ERGIC1: variants seen among roughly 807,000 people sequenced by gnomAD.
ERGIC1 encodes the protein endoplasmic reticulum-Golgi intermediate compartment protein 1.
Under a neutral mutation model 38.3 loss-of-function variants are expected in ERGIC1, and 19 were observed. The observed-to-expected ratio is 0.50, with a 90% CI of 0.35 to 0.73. The LOEUF (loss-of-function observed/expected upper bound fraction) is 0.73. Ranked by LOEUF, ERGIC1 falls within the 30% of genes least tolerant of loss-of-function variation. ERGIC1 has a pLI of 0.01. For synonymous variants in ERGIC1, 124 were observed against 157.6 expected (o/e 0.79, Z 1.60); for missense variants, 294 against 389.2 (o/e 0.76, Z 2.06).
chr5:172,921,100 C>T (rs1272733257), intron 5 of ERGIC1, among the ~76,000 whole-genome samples: 3 of 152,226 alleles, frequency 2.0e-5, no homozygotes, highest in African/African-American at 7.2e-5. Flanking sequence ...CAGCTGCGGG[C>T]TGCTTTGTAT....
chr5:172,876,361 G>C (rs1257618281), intron 1 of ERGIC1, among the ~76,000 whole-genome samples: 2 of 152,100 alleles, frequency 1.3e-5, no homozygotes, highest in Non-Finnish European at 2.9e-5. Flanking sequence ...CAACTATTTG[G>C]CTAGCTAGAA....
chr5:172,864,980 T>A (rs964642503), intron 1 of ERGIC1, among the ~76,000 whole-genome samples: 4 of 151,912 alleles, frequency 2.6e-5, no homozygotes, highest in African/African-American at 7.2e-5. Context: ...TGCAAAGCCT[T>A]GCTCAACGCT....
chr5:172,858,130 C>T (rs944339952), intron 1 of ERGIC1, among the ~76,000 whole-genome samples: 1 of 152,144 alleles, frequency 6.6e-6, no homozygotes, highest in African/African-American at 2.4e-5. Context: ...TGGTATTTGA[C>T]GGCTGTCTGA....
At chr5:172,905,521 T>C in intron 3 of ERGIC1, 1 of 448,224 alleles carries the variant, frequency 2.2e-6, no homozygotes, top group Non-Finnish European at 4.5e-6. Flanking sequence ...GGAAGAGAAC[T>C]GTGGAACCCA....
At chr5:172,899,846 G>A (rs923150203) in intron 3 of ERGIC1, among the ~76,000 whole-genome samples, 2 of 152,212 alleles carry the variant, frequency 1.3e-5, no homozygotes, top group African/African-American at 2.4e-5. Context: ...ATTTTATGAG[G>A]ATCAAACAAG....
chr5:172,882,858 C>T (rs1305684057), intron 1 of ERGIC1, among the ~76,000 whole-genome samples: 1 of 152,098 alleles, frequency 6.6e-6, no homozygotes, highest in Admixed American at 6.6e-5. Context: ...AAATTCAGCA[C>T]CTCAAATTCA....
chr5:172,935,554 A>G (rs1763871862), intron 9 of ERGIC1: 1 of 472,180 alleles, frequency 2.1e-6, no homozygotes, highest in Non-Finnish European at 3.8e-6. Context: ...CCTGAAATCC[A>G]TTTAATTCCT....
At chr5:172,842,678 CTT>C (rs1761188845) in intron 1 of ERGIC1, among the ~76,000 whole-genome samples, 2 of 152,156 alleles carry the variant, frequency 1.3e-5, no homozygotes, top group African/African-American at 4.8e-5. Flanking sequence ...GCCAACATGT[CTT>C]TTGTTTTTCT....
chr5:172,835,920 A>C (rs1761023304), intron 1 of ERGIC1, among the ~76,000 whole-genome samples: 1 of 152,238 alleles, frequency 6.6e-6, no homozygotes. Context: ...AGTCTGGGCC[A>C]TAAGAGCTGT....
At chr5:172,863,484 G>T (rs1171804731) in intron 1 of ERGIC1, among the ~76,000 whole-genome samples, 1 of 152,154 alleles carries the variant, frequency 6.6e-6, no homozygotes, top group Admixed American at 6.6e-5. Flanking sequence ...TGACGGCCAG[G>T]AGACAAAGGA....
rs193208350 is a variant in ERGIC1, at chr5:172,932,562, C to T, written c.642+26C>T. The T allele has an allele frequency of 9.9e-6, 16 of 1,608,096 alleles. No homozygotes were observed. In the African/African-American group the frequency reaches 2.0e-4, roughly 20 times the overall value. ...GTGCGCGGGCGGTGGCTGGGCCGAG[C>T]TGTGTGCGGCGGCGCCCTCTGCTGA... On this transcript the variant is annotated intron_variant, in intron 8 of 9. Coordinates refer to ENST00000393784, the MANE Select transcript of ERGIC1 (RefSeq NM_001031711.3).
chr5:172,863,496 C>G (rs1761772202), intron 1 of ERGIC1, among the ~76,000 whole-genome samples: 1 of 152,112 alleles, frequency 6.6e-6, no homozygotes, highest in Non-Finnish European at 1.5e-5. Flanking sequence ...GACAAAGGAC[C>G]CTTGGGCGCG....
chr5:172,911,842 AAT>A lies in ERGIC1; in HGVS notation c.250+2084_250+2085del, dbSNP rs201542203. Among the ~76,000 whole-genome samples the A allele has an allele frequency of 9.2e-3, 1,403 of 152,238 alleles. 19 individuals carry two copies. The highest frequency in any genetic ancestry group is 0.032 in the African/African-American group (1,322 of 41,528). ...GACATACATTCAAAAATACAAAAAT[AAT>A]ATGTTTTTTAAAAAGCAAAAGTACC... On this transcript the variant is annotated intron_variant, in intron 4 of 9. Transcript: ENST00000393784.
At chr5:172,915,728 C>G (rs1332504381) in intron 5 of ERGIC1, 1 of 441,292 alleles carries the variant, frequency 2.3e-6, no homozygotes, top group Non-Finnish European at 4.8e-6. Flanking sequence ...AAGTGTCTTG[C>G]CCGAGGTCAC....
At position 172,876,580 on chromosome 5, in the gene ERGIC1, A is replaced by G. The variant is rs1211327517; in HGVS notation, c.21-12119A>G. ...TGTTATTAAAATGTTTTATTCAGACAGCTTTATTGAGGTATAATCGACTTA... is the reference window on the plus strand; with the variant it reads ...TGTTATTAAAATGTTTTATTCAGACGGCTTTATTGAGGTATAATCGACTTA... On this transcript the variant is annotated intron_variant, in intron 1 of 9. Coordinates refer to ENST00000393784, the MANE Select transcript of ERGIC1 (RefSeq NM_001031711.3). 2.0e-5 allele frequency among the ~76,000 whole-genome samples: 3 copies of G among 152,214 alleles called. No individual in the cohort carries two copies. In the East Asian group the frequency reaches 5.8e-4, roughly 29 times the overall value.
intron 3 of ERGIC1, among the ~76,000 whole-genome samples, chr5:172,902,978 C>A (rs1337502019): frequency 3.3e-5 from 5 of 151,648 alleles, no homozygotes; most frequent in Admixed American, 3.3e-4. Context: ...ACTCCCCCCA[C>A]CCACACCTCC....
chr5:172,921,686 T>G (rs530747596), intron 5 of ERGIC1: 2 of 152,374 alleles, frequency 1.3e-5, no homozygotes, highest in Admixed American at 6.5e-5. Context: ...CCCCAACTCC[T>G]CCCTTGTGCC....
At chr5:172,847,614 A>G (rs1397517960) in intron 1 of ERGIC1, among the ~76,000 whole-genome samples, 1 of 152,206 alleles carries the variant, frequency 6.6e-6, no homozygotes, top group East Asian at 1.9e-4. Context: ...CCCGGGTTCA[A>G]GTGATTCTTC....
chr5:172,928,842 G>A (rs1252906761), intron 7 of ERGIC1, among the ~76,000 whole-genome samples: 4 of 152,206 alleles, frequency 2.6e-5, no homozygotes, highest in Non-Finnish European at 5.9e-5. Context: ...TTCTGCATGT[G>A]TAAAGTGGGA....
Sources: allele counts gnomAD v4.1 joint callset (sites outside exome capture counted in the v4.1 genomes callset), GRCh38; gene constraint gnomAD v4.1.1; transcripts MANE v1.5; gene names NCBI Gene and HGNC (gene_info 2026-07-23, HGNC 2026-07-21).